APPBP2: variants seen among roughly 807,000 people sequenced by gnomAD.
APPBP2 encodes amyloid protein-binding protein 2.
A neutral mutation model predicts 76.0 loss-of-function variants in APPBP2; 15 were observed. That is an observed-to-expected ratio of 0.20 (90% confidence interval 0.13 to 0.30). The LOEUF (loss-of-function observed/expected upper bound fraction) is 0.30. APPBP2 is among the 10% of genes least tolerant of loss of function. APPBP2 has a pLI of 1.00. For missense variants in APPBP2, 401 were observed against 687.2 expected (o/e 0.58, Z 4.66); for synonymous variants, 222 against 242.2 (o/e 0.92, Z 0.77).
At chr17:60,460,935 C>T (rs1044655127) in intron 8 of APPBP2, 148 bp from the exon 9 acceptor site, 21 of 670,286 alleles carry the variant, frequency 3.1e-5, no homozygotes, top group Admixed American at 7.4e-5. Context: ...AATTACAGAA[C>T]ATGAAAGTCA....
intron 3 of APPBP2, among the ~76,000 whole-genome samples, chr17:60,483,446 T>C (rs1337468043): frequency 6.6e-6 from 1 of 152,036 alleles, no homozygotes; most frequent in South Asian, 2.1e-4. Flanking sequence ...CAGGCTGGAG[T>C]GCAGTAGCGC....
chr17:60,476,191 G>C (rs2090589625), intron 4 of APPBP2, among the ~76,000 whole-genome samples: 1 of 152,158 alleles, frequency 6.6e-6, no homozygotes, highest in Admixed American at 6.5e-5. Flanking sequence ...CTGAAAAATG[G>C]TACCAGTTTT....
chr17:60,457,274 C>T (rs976185545), intron 9 of APPBP2, among the ~76,000 whole-genome samples: 2 of 152,126 alleles, frequency 1.3e-5, no homozygotes, highest in Non-Finnish European at 2.9e-5. Context: ...GTTTTATTGT[C>T]AGTTTCTTTC....
At chr17:60,469,196 C>T (rs543166369) in intron 4 of APPBP2, among the ~76,000 whole-genome samples, 132 of 151,788 alleles carry the variant, frequency 8.7e-4, no homozygotes, top group African/African-American at 3.1e-3. Flanking sequence ...CATGGTGGTG[C>T]GTGCCTGTAG....
At chr17:60,514,795 G>A (rs1598375998) in intron 1 of APPBP2, among the ~76,000 whole-genome samples, 1 of 152,162 alleles carries the variant, frequency 6.6e-6, no homozygotes, top group East Asian at 1.9e-4. Context: ...GAAGGCTGAT[G>A]TTATTTTAAA....
chr17:60,484,003 T>C (rs1475061773), intron 3 of APPBP2, among the ~76,000 whole-genome samples: 1 of 152,166 alleles, frequency 6.6e-6, no homozygotes, highest in Non-Finnish European at 1.5e-5. Flanking sequence ...TCCTCATTTC[T>C]TGTTTTTGTC....
rs141120805 is a variant in APPBP2 at position 60,513,900 on chromosome 17, T to C, written c.138+11894A>G. ...CATATATGTACAAAGTAAAAAGCAA[T>C]TGCGATCCTACCCCTGGAGTAAACA... On this transcript the variant is annotated intron_variant, in intron 1 of 12. Coordinates refer to ENST00000083182, the MANE Select transcript of APPBP2 (RefSeq NM_006380.5). 5.4e-3 allele frequency among the ~76,000 whole-genome samples: 812 copies of C among 150,420 alleles called. 9 individuals carry two copies. Among genetic ancestry groups the C allele is most frequent in the African/African-American group, 0.018 (753 of 40,876 alleles).
intron 3 of APPBP2, among the ~76,000 whole-genome samples, chr17:60,482,185 T>G (rs1389986811): frequency 2.6e-5 from 4 of 152,218 alleles, no homozygotes. Flanking sequence ...CCGGCCGGGT[T>G]ACTACTTCGA....
intron 4 of APPBP2, among the ~76,000 whole-genome samples, chr17:60,472,495 G>A (rs114645911): frequency 5.6e-4 from 85 of 152,290 alleles, no homozygotes; most frequent in Middle Eastern, 3.4e-3. Flanking sequence ...GTGGAAGGTT[G>A]GTAGTAATGT....
At chr17:60,467,029 G>A (rs1451424145) in intron 4 of APPBP2, among the ~76,000 whole-genome samples, 1 of 150,308 alleles carries the variant, frequency 6.7e-6, no homozygotes, top group Admixed American at 6.6e-5. Context: ...CAACTATGCT[G>A]ACTATTTAAT....
rs1398181607 is a variant in APPBP2 at position 60,445,383 on chromosome 17, G to C, written c.*2198C>G. 6.6e-6 allele frequency: 1 copy of C among 152,428 alleles called. No homozygotes were observed. The highest frequency in any genetic ancestry group is 1.5e-5 in the Non-Finnish European group (1 of 68,006). The allele number at this position is 152,428 out of a possible 1,614,324, so 9.4% of individuals were successfully genotyped here. On this transcript the variant is annotated 3_prime_UTR_variant, in exon 13 of 13. Coordinates refer to ENST00000083182, the MANE Select transcript of APPBP2 (RefSeq NM_006380.5). ...GGAGTTAGGGAGGATGAGGCTGTAA[G>C]TCATTTGTTTATTTTTATCCTAGGA...
chr17:60,513,321 A>C lies in APPBP2; in HGVS notation c.138+12473T>G. ...TGGGAAATATGGACCTATTCATCAA[A>C]TCAGAGTGGAAAACACACCTGAAAC... On this transcript the variant is annotated intron_variant, in intron 1 of 12. Transcript: ENST00000083182. 8.6e-6 allele frequency: 5 copies of C among 582,748 alleles called. No individual in the cohort carries two copies. In the South Asian group the frequency reaches 1.0e-4, roughly 12 times the overall value. 36.1% of individuals were successfully genotyped at this position (582,748 alleles called of 1,614,324 possible).
chr17:60,475,434 C>T (rs1567926198), intron 4 of APPBP2, among the ~76,000 whole-genome samples: 1 of 151,970 alleles, frequency 6.6e-6, no homozygotes, highest in Non-Finnish European at 1.5e-5. Context: ...AGAAGTTCCT[C>T]GATTATTTCC....
At chr17:60,518,406 A>G in intron 1 of APPBP2, among the ~76,000 whole-genome samples, 1 of 130,412 alleles carries the variant, frequency 7.7e-6, no homozygotes, top group African/African-American at 2.9e-5. Flanking sequence ...TGTGTAAGAG[A>G]GAGAGACAGC....
chr17:60,492,957 C>T (rs1469982408), intron 3 of APPBP2, among the ~76,000 whole-genome samples: 1 of 152,074 alleles, frequency 6.6e-6, no homozygotes, highest in Non-Finnish European at 1.5e-5. Context: ...AATTATAGTT[C>T]CCATAATTCC....
intron 5 of APPBP2, among the ~76,000 whole-genome samples, chr17:60,465,677 G>A (rs899435867): frequency 6.6e-6 from 1 of 152,092 alleles, no homozygotes; most frequent in South Asian, 2.1e-4. Context: ...AGTCCAGCGT[G>A]GGTGACAAAG....
chr17:60,483,322 G>A (rs1047782038), intron 3 of APPBP2, among the ~76,000 whole-genome samples: 1 of 151,956 alleles, frequency 6.6e-6, no homozygotes, highest in African/African-American at 2.4e-5. Context: ...TAGATTCTGG[G>A]TATCAGCCCA....
At position 60,499,203 on chromosome 17, in the gene APPBP2, C is replaced by T. The variant is rs145179420; in HGVS notation, c.227+1196G>A. ...AAAATTAGCTGGGTGTGATAGCATG[C>T]GCCTATAGTCCCAGCTACTCAGGAG... On this transcript the variant is annotated intron_variant, in intron 2 of 12. Transcript: ENST00000083182. Among the ~76,000 whole-genome samples the T allele has an allele frequency of 4.0e-4, 61 of 151,018 alleles. No individual in the cohort carries two copies. The East Asian group carries it at 9.8e-3, about 24-fold the overall frequency.
intron 4 of APPBP2, among the ~76,000 whole-genome samples, chr17:60,476,967 G>A (rs1329859439): frequency 1.3e-5 from 2 of 152,230 alleles, no homozygotes; most frequent in Non-Finnish European, 2.9e-5. Context: ...TTGCTCCTCA[G>A]ACTATACTTA....
Sources: gnomAD v4.1 joint callset for allele counts (sites outside exome capture counted in the v4.1 genomes callset) on GRCh38, gnomAD v4.1.1 for gene constraint, MANE v1.5 for transcripts, NCBI Gene and HGNC (gene_info 2026-07-23, HGNC 2026-07-21) for gene names.